The following KLHL29 variants were observed in gnomAD, a reference collection of about 807,000 sequenced individuals.
KLHL29 encodes kelch-like protein 29.
Under a neutral mutation model 80.4 loss-of-function variants are expected in KLHL29, and 21 were observed. That is an observed-to-expected ratio of 0.26 (90% CI 0.19 to 0.38). The LOEUF (loss-of-function observed/expected upper bound fraction) is 0.38. KLHL29 is among the 10% of genes least tolerant of loss of function. The pLI, the probability that KLHL29 is intolerant of heterozygous loss-of-function variation, is 1.00. For synonymous variants in KLHL29, 511 were observed against 526.8 expected (o/e 0.97, Z 0.41); for missense variants, 867 against 1,223.9 (o/e 0.71, Z 4.35).
chr2:23,476,426 C>G (rs1335247945), intron 2 of KLHL29, among the ~76,000 whole-genome samples: 1 of 151,880 alleles, frequency 6.6e-6, no homozygotes, highest in Non-Finnish European at 1.5e-5. Context: ...CAGAGATAAC[C>G]ATTTTAGTGT....
At chr2:23,480,345 G>A (rs1664761225) in intron 2 of KLHL29, among the ~76,000 whole-genome samples, 1 of 152,098 alleles carries the variant, frequency 6.6e-6, no homozygotes, top group Non-Finnish European at 1.5e-5. Context: ...AAATTAGCCG[G>A]GCATGGTGAC....
intron 3 of KLHL29, among the ~76,000 whole-genome samples, chr2:23,638,729 ACAGT>A (rs1305832172): frequency 1.3e-5 from 2 of 152,220 alleles, no homozygotes; most frequent in Non-Finnish European, 2.9e-5. Context: ...GGCTGGGCAC[ACAGT>A]CAGTACTCAG....
At chr2:23,618,153 GTAT>G (rs1305315642) in intron 3 of KLHL29, among the ~76,000 whole-genome samples, 1 of 152,154 alleles carries the variant, frequency 6.6e-6, no homozygotes, top group Non-Finnish European at 1.5e-5. Flanking sequence ...GCCCTGCTTA[GTAT>G]TATTGTTTGG....
chr2:23,436,981 C>T (rs1369141337), intron 1 of KLHL29, among the ~76,000 whole-genome samples: 1 of 152,144 alleles, frequency 6.6e-6, no homozygotes, highest in Non-Finnish European at 1.5e-5. Flanking sequence ...AACACAAATT[C>T]CCACACACCA....
At chr2:23,480,380 G>A (rs774693905) in intron 2 of KLHL29, among the ~76,000 whole-genome samples, 2 of 152,136 alleles carry the variant, frequency 1.3e-5, no homozygotes, top group Non-Finnish European at 2.9e-5. Context: ...CCAGGTACTC[G>A]GGAGGCTGAG....
At chr2:23,538,782 G>C (rs1666750704) in intron 2 of KLHL29, among the ~76,000 whole-genome samples, 1 of 152,188 alleles carries the variant, frequency 6.6e-6, no homozygotes, top group Admixed American at 6.5e-5. Flanking sequence ...CACTGATCTG[G>C]AAACCTTTCC....
chr2:23,400,835 A>G (rs911288227), intron 1 of KLHL29, among the ~76,000 whole-genome samples: 10 of 152,178 alleles, frequency 6.6e-5, no homozygotes, highest in African/African-American at 2.4e-4. Context: ...TCTTGTCTCT[A>G]AGTGGTATGG....
At chr2:23,474,629 G>A (rs933112230) in intron 1 of KLHL29, among the ~76,000 whole-genome samples, 3 of 152,032 alleles carry the variant, frequency 2.0e-5, no homozygotes, top group East Asian at 3.9e-4. Flanking sequence ...CTCTATCAGC[G>A]GCCGCTGGAA....
intron 5 of KLHL29, among the ~76,000 whole-genome samples, chr2:23,666,055 A>G (rs867911451): frequency 3.9e-5 from 6 of 152,352 alleles, no homozygotes; most frequent in Middle Eastern, 3.4e-3. Context: ...CACAAGGACA[A>G]CTGGAGAAAA....
chr2:23,412,122 A>AGGGGGGGGGGGG (rs33951812), intron 1 of KLHL29, among the ~76,000 whole-genome samples: 2 of 118,712 alleles, frequency 1.7e-5, no homozygotes, highest in African/African-American at 3.3e-5. Flanking sequence ...GTGTGCGTGA[A>AGGGGGGGGGGGG]GGGGGGGGGG....
chr2:23,706,469 T>A lies in KLHL29; in HGVS notation c.2445-12T>A, dbSNP rs1044805745. The A allele has an allele frequency of 5.2e-5, 77 of 1,468,478 alleles. No homozygotes were observed. The highest frequency in any genetic ancestry group is 6.8e-5 in the Non-Finnish European group (76 of 1,111,194). 91.0% of individuals were successfully genotyped at this position (1,468,478 alleles called of 1,614,324 possible). ...TGAAATGCCTAACTCTGTCCCCGCT[T>A]TCCCCCAACAGTGCTGTGGTGCTTG... is the stretch of plus-strand genomic sequence containing the variant. On this transcript the variant is annotated splice_polypyrimidine_tract_variant and intron_variant, in intron 13 of 13. Coordinates refer to ENST00000486442, the MANE Select transcript of KLHL29 (RefSeq NM_052920.2).
chr2:23,648,513 C>T (rs888269873), intron 5 of KLHL29, among the ~76,000 whole-genome samples: 4 of 152,058 alleles, frequency 2.6e-5, no homozygotes, highest in South Asian at 4.2e-4. Context: ...CCCATTGTAA[C>T]GTTTGACAAT....
At chr2:23,587,623 A>G (rs1034624717) in intron 3 of KLHL29, among the ~76,000 whole-genome samples, 2 of 152,194 alleles carry the variant, frequency 1.3e-5, no homozygotes, top group African/African-American at 4.8e-5. Context: ...GCCTGGTCCC[A>G]TGTTTCATGA....
At chr2:23,461,577 G>A (rs1197033695) in intron 1 of KLHL29, among the ~76,000 whole-genome samples, 1 of 152,156 alleles carries the variant, frequency 6.6e-6, no homozygotes, top group Non-Finnish European at 1.5e-5. Context: ...GTGCTGATGG[G>A]AAGTCAAATT....
chr2:23,536,918 A>ACACACACACTCTCT (rs143009876), intron 2 of KLHL29, among the ~76,000 whole-genome samples: 10,074 of 140,514 alleles, frequency 0.072, 699 homozygotes, highest in Admixed American at 0.23. Flanking sequence ...ACACACACAC[A>ACACACACACTCTCT]CTCTCTCTCT....
Position 23,395,769 on chromosome 2 carries a change from A to G in KLHL29, c.-154+9989A>G, listed in dbSNP as rs1666438446. On this transcript the variant is annotated intron_variant, in intron 1 of 13. Coordinates refer to ENST00000486442, the MANE Select transcript of KLHL29 (RefSeq NM_052920.2). ...CAAAAAAGGAAAGAAAAAAAAAAAA[A>G]AGAAACTCCGATTGCATTCAACACT... 3.3e-5 allele frequency among the ~76,000 whole-genome samples: 5 copies of G among 152,046 alleles called. No individual in the cohort carries two copies. The South Asian group carries it at 1.0e-3, about 32-fold the overall frequency.
chr2:23,386,439 C>T (rs1038200705), intron 1 of KLHL29, among the ~76,000 whole-genome samples: 9 of 152,228 alleles, frequency 5.9e-5, no homozygotes, highest in Admixed American at 4.6e-4. Flanking sequence ...GACACACACA[C>T]GCACACTTCC....
At chr2:23,391,189 C>T (rs536544392) in intron 1 of KLHL29, among the ~76,000 whole-genome samples, 3 of 152,232 alleles carry the variant, frequency 2.0e-5, no homozygotes, top group Admixed American at 6.5e-5. Context: ...CTTAGCATAA[C>T]GTCTTCCAGG....
At chr2:23,444,933 TTTTG>T (rs1558340816) in intron 1 of KLHL29, among the ~76,000 whole-genome samples, 2 of 152,202 alleles carry the variant, frequency 1.3e-5, no homozygotes, top group Admixed American at 6.5e-5. Flanking sequence ...TTAAAATTAA[TTTTG>T]TTTCTTAGAA....
Sources: allele counts gnomAD v4.1 joint callset (sites outside exome capture counted in the v4.1 genomes callset), GRCh38; gene constraint gnomAD v4.1.1; transcripts MANE v1.5; gene names NCBI Gene and HGNC (gene_info 2026-07-23, HGNC 2026-07-21).